CLIP1: variants seen among roughly 807,000 people sequenced by gnomAD.
CLIP1 encodes the protein CAP-Gly domain containing linker protein 1, also known as CAP-Gly domain-containing linker protein 1.
In CLIP1, 66 loss-of-function variants were observed where a neutral mutation model predicts 161.6. The ratio of observed to expected loss-of-function variants is 0.41; its 90% CI spans 0.33 to 0.50. The LOEUF is 0.50. CLIP1 is among the 20% of genes least tolerant of loss of function. The probability of loss-of-function intolerance (pLI) is 0.27; values close to 1 mark genes in which losing one functional copy is unlikely to be tolerated. For synonymous variants in CLIP1, 598 were observed against 626.2 expected (o/e 0.96, Z 0.67); for missense variants, 1,376 against 1,702.0 (o/e 0.81, Z 3.37).
At chr12:122,377,299 C>T (rs983630407) in intron 3 of CLIP1, 90 bp downstream of exon 3, 75 of 1,224,492 alleles carry the variant, frequency 6.1e-5, no homozygotes, top group Non-Finnish European at 8.3e-5. Flanking sequence ...TGAGCCACCG[C>T]GCCCAGCCCT....
intron 12 of CLIP1, among the ~76,000 whole-genome samples, 196 bp downstream of exon 12, chr12:122,336,436 A>AAT (rs1342008019): frequency 6.7e-6 from 1 of 149,478 alleles, no homozygotes; most frequent in Non-Finnish European, 1.5e-5. Context: ...AAAAAAAAGT[A>AAT]ATACCTACCT....
At chr12:122,300,702 G>C (rs4758670) in intron 20 of CLIP1, among the ~76,000 whole-genome samples, 1 of 151,904 alleles carries the variant, frequency 6.6e-6, no homozygotes, top group Non-Finnish European at 1.5e-5. Flanking sequence ...GTAGCCGCCC[G>C]TATTGAACAT....
Position 122,334,715 on chromosome 12 carries a change from A to C in CLIP1, c.2569-10T>G, listed in dbSNP as rs1267532215. 2.0e-6 allele frequency: 3 copies of C among 1,536,136 alleles called. No individual in the cohort carries two copies. Among genetic ancestry groups the C allele is most frequent in the Non-Finnish European group, 2.7e-6 (3 of 1,125,722 alleles). ...CAGCAAACTTTTCTTTCTAAAGAAA[A>C]AGAATGAGAGATTCTGAACAGAAAG... On this transcript the variant is annotated splice_polypyrimidine_tract_variant and intron_variant, in intron 12 of 25. Transcript: ENST00000620786.
chr12:122,345,456 T>G (rs146750249), intron 10 of CLIP1, among the ~76,000 whole-genome samples: 1 of 151,950 alleles, frequency 6.6e-6, no homozygotes, highest in Non-Finnish European at 1.5e-5. Context: ...ACACCATGCC[T>G]GGCCCACTCT....
rs778730098 is a variant in CLIP1 at position 122,336,845 on chromosome 12, G to A, written c.2452-97C>T. On this transcript the variant is annotated intron_variant, in intron 11 of 25. Transcript: ENST00000620786. ...ATAAACAAATGTAAAAAACTTATGAGAAACATAAAACAAAACTGAAAGGAA... is the reference window on the plus strand; with the variant it reads ...ATAAACAAATGTAAAAAACTTATGAAAAACATAAAACAAAACTGAAAGGAA... 7 of 520,712 alleles carry A rather than the reference G, an allele frequency of 1.3e-5. No individual in the cohort carries two copies. In the Middle Eastern group the frequency reaches 1.0e-3, roughly 75 times the overall value. The allele number at this position is 520,712 out of a possible 1,614,324, so 32.3% of individuals were successfully genotyped here.
intron 20 of CLIP1, among the ~76,000 whole-genome samples, chr12:122,300,078 C>T (rs1455434171): frequency 6.6e-6 from 1 of 152,096 alleles, no homozygotes; most frequent in Non-Finnish European, 1.5e-5. Flanking sequence ...GGCATCATAG[C>T]GAGACCCTTC....
At chr12:122,357,887 A>C (rs1188606956) in intron 5 of CLIP1, among the ~76,000 whole-genome samples, 7 of 149,778 alleles carry the variant, frequency 4.7e-5, no homozygotes, top group East Asian at 2.0e-4. Flanking sequence ...GGCCGCCCCT[A>C]CTGGGAAGTG....
intron 1 of CLIP1, among the ~76,000 whole-genome samples, chr12:122,381,518 T>C (rs1331606268): frequency 1.3e-5 from 2 of 152,198 alleles, no homozygotes; most frequent in East Asian, 1.9e-4. Flanking sequence ...AGAAAGTGAA[T>C]TGAAATTACC....
At chr12:122,312,351 G>A (rs776506717) in intron 19 of CLIP1, among the ~76,000 whole-genome samples, 15 of 152,146 alleles carry the variant, frequency 9.9e-5, no homozygotes, top group African/African-American at 2.7e-4. Context: ...CTGGCTAACC[G>A]AAATCAAGCA....
intron 25 of CLIP1, among the ~76,000 whole-genome samples, chr12:122,273,543 C>G (rs2136181645): frequency 6.6e-6 from 1 of 151,740 alleles, no homozygotes; most frequent in South Asian, 2.1e-4. Flanking sequence ...GGCCACCACG[C>G]CAGCCTCACA....
At position 122,316,795 on chromosome 12, in the gene CLIP1, G is replaced by T; in HGVS notation, c.3427C>A (p.Leu1143Ile). The change falls in exon 19 of 26, where the codon CTC (leucine) becomes ATC (isoleucine). Residue 1143 changes from leucine (L) to isoleucine (I), a missense_variant. Coordinates refer to ENST00000620786, the MANE Select transcript of CLIP1 (RefSeq NM_001247997.2). Reference sequence around the variant, plus strand: ...ATTTTTTGATTCTCTACAGTCAGGAGTTCTTTTGATTTGTTCAGCTCTTCC... The same window carrying T: ...ATTTTTTGATTCTCTACAGTCAGGATTTCTTTTGATTTGTTCAGCTCTTCC... ...NVEELNKSKELLTVENQKMEE... is the reference protein window; with the variant it reads ...NVEELNKSKEILTVENQKMEE... 1 of 1,594,108 alleles carries T rather than the reference G, an allele frequency of 6.3e-7. No homozygotes were observed. The highest frequency in any genetic ancestry group is 1.3e-5 in the African/African-American group (1 of 74,150).
rs1439522122 is a variant in CLIP1, at chr12:122,390,294, A to ATG, written c.-106-9737_-106-9736insCA. On this transcript the variant is annotated intron_variant, in intron 1 of 25. Coordinates refer to ENST00000620786, the MANE Select transcript of CLIP1 (RefSeq NM_001247997.2). ...TATATATATACATATATATATATAT[A>ATG]TATATATATGTATATATATATATAT... Among the ~76,000 whole-genome samples the ATG allele has an allele frequency of 9.3e-4, 124 of 133,350 alleles. 1 individual carries two copies. Among genetic ancestry groups the ATG allele is most frequent in the African/African-American group, 3.4e-3 (120 of 35,518 alleles). 87.5% of individuals were successfully genotyped at this position (133,350 alleles called of 152,430 possible).
At chr12:122,362,146 G>T (rs1031561640) in intron 4 of CLIP1, among the ~76,000 whole-genome samples, 2 of 151,088 alleles carry the variant, frequency 1.3e-5, no homozygotes, top group African/African-American at 4.9e-5. Context: ...TAGAGACAGG[G>T]TTTCAATATG....
intron 1 of CLIP1, among the ~76,000 whole-genome samples, chr12:122,398,240 AC>A (rs1233299998): frequency 4.8e-5 from 7 of 146,098 alleles, no homozygotes; most frequent in Admixed American, 4.2e-4. Flanking sequence ...ACATGGTGAA[AC>A]CCTGTCTCTA....
At chr12:122,306,549 G>C (rs1950881938) in intron 20 of CLIP1, among the ~76,000 whole-genome samples, 1 of 152,152 alleles carries the variant, frequency 6.6e-6, no homozygotes, top group Non-Finnish European at 1.5e-5. Flanking sequence ...CCAAAATGCT[G>C]GGTTCTAAGG....
intron 1 of CLIP1, among the ~76,000 whole-genome samples, chr12:122,413,223 A>G (rs1056708240): frequency 9.2e-5 from 14 of 152,166 alleles, no homozygotes; most frequent in Non-Finnish European, 1.5e-4. Flanking sequence ...TGATTAAAAG[A>G]TTTTCAGGAA....
chr12:122,333,186 T>A (rs1468972180), intron 14 of CLIP1, 43 bp from the exon 15 acceptor site: 1 of 1,473,970 alleles, frequency 6.8e-7, no homozygotes, highest in South Asian at 1.2e-5. Flanking sequence ...CTGTGTTATA[T>A]CAACAAAAAC....
intron 20 of CLIP1, among the ~76,000 whole-genome samples, chr12:122,290,877 A>C (rs1041872118): frequency 6.9e-6 from 1 of 144,908 alleles, no homozygotes; most frequent in Non-Finnish European, 1.5e-5. Context: ...ATTTTTTTTT[A>C]TTTTTTTTAG....
intron 1 of CLIP1, among the ~76,000 whole-genome samples, chr12:122,417,341 C>T (rs1242041029): frequency 6.6e-6 from 1 of 151,894 alleles, no homozygotes; most frequent in East Asian, 1.9e-4. Flanking sequence ...TGTGGTGGTA[C>T]ACACCTCCTA....
Sources: gnomAD v4.1 joint callset for allele counts (sites outside exome capture counted in the v4.1 genomes callset) on GRCh38, gnomAD v4.1.1 for gene constraint, MANE v1.5 for transcripts, NCBI Gene and HGNC (gene_info 2026-07-23, HGNC 2026-07-21) for gene names.